RANBP2: variants seen among roughly 807,000 people sequenced by gnomAD.
RANBP2 encodes RAN binding protein 2, also known as E3 SUMO-protein ligase RanBP2.
RANBP2 carries 57 observed loss-of-function variants against 303.6 expected under a neutral mutation model. That is an observed-to-expected ratio of 0.19 (90% CI 0.15 to 0.23). The LOEUF is 0.23. RANBP2 is among the 10% of genes least tolerant of loss of function. RANBP2 has a pLI of 1.00. For synonymous variants in RANBP2, 1,167 were observed against 1,301.5 expected (o/e 0.90, Z 2.23); for missense variants, 3,138 against 3,780.8 (o/e 0.83, Z 4.46).
the RANBP2 span, among the ~76,000 whole-genome samples, chr2:109,308,199 T>G: frequency 1.5e-5 from 2 of 131,984 alleles, no homozygotes; most frequent in Non-Finnish European, 3.1e-5. Flanking sequence ...TTTCATGTGT[T>G]TTTTGGCTGC....
chr2:109,185,239 G>C, the RANBP2 span, among the ~76,000 whole-genome samples: 5 of 152,224 alleles, frequency 3.3e-5, no homozygotes, highest in Non-Finnish European at 7.3e-5. Flanking sequence ...AGAATAATTT[G>C]ACAGGGACAT....
At chr2:109,490,638 G>A in the RANBP2 span, 1 of 1,491,904 alleles carries the variant, frequency 6.7e-7, no homozygotes, top group Non-Finnish European at 8.9e-7. Context: ...GAAGCTTCTA[G>A]CCGGAGCATC....
chr2:108,983,585 C>T, the RANBP2 span, among the ~76,000 whole-genome samples: 5 of 152,214 alleles, frequency 3.3e-5, no homozygotes, highest in African/African-American at 1.2e-4. Context: ...CCTCGTGATC[C>T]ATCTGTCTGC....
the RANBP2 span, among the ~76,000 whole-genome samples, chr2:109,408,410 T>C: frequency 6.6e-6 from 1 of 152,198 alleles, no homozygotes; most frequent in Non-Finnish European, 1.5e-5. Flanking sequence ...ACCCTCCCTC[T>C]GCCAGAGCTC....
At chr2:109,083,750 C>T in the RANBP2 span, among the ~76,000 whole-genome samples, 1 of 152,136 alleles carries the variant, frequency 6.6e-6, no homozygotes, top group Non-Finnish European at 1.5e-5. Context: ...CGTGGCTGCA[C>T]CCTCTTACAT....
the RANBP2 span, among the ~76,000 whole-genome samples, chr2:109,643,219 A>C: frequency 6.6e-6 from 1 of 151,974 alleles, no homozygotes; most frequent in Non-Finnish European, 1.5e-5. Context: ...TCATCTCCCA[A>C]CTTGGCTAGA....
At chr2:109,663,602 A>C in the RANBP2 span, among the ~76,000 whole-genome samples, 7 of 152,376 alleles carry the variant, frequency 4.6e-5, no homozygotes, top group African/African-American at 1.7e-4. Flanking sequence ...GATCATATAC[A>C]GAGCTCATGG....
chr2:109,047,536 C>T, the RANBP2 span, among the ~76,000 whole-genome samples: 7 of 152,090 alleles, frequency 4.6e-5, no homozygotes, highest in Non-Finnish European at 8.8e-5. Flanking sequence ...GGACCGGGCA[C>T]GTTGGCTCAT....
the RANBP2 span, among the ~76,000 whole-genome samples, chr2:109,107,429 A>T: frequency 6.6e-6 from 1 of 152,106 alleles, no homozygotes; most frequent in Non-Finnish European, 1.5e-5. Context: ...GGGGCTTCTG[A>T]ACGGGACCAG....
the RANBP2 span, among the ~76,000 whole-genome samples, chr2:109,596,285 G>T: frequency 1.3e-5 from 2 of 152,102 alleles, no homozygotes; most frequent in African/African-American, 4.8e-5. Flanking sequence ...GTGAAATGTT[G>T]CTTAGTGTTG....
chr2:109,188,936 A>G, the RANBP2 span, among the ~76,000 whole-genome samples: 1 of 152,006 alleles, frequency 6.6e-6, no homozygotes, highest in Non-Finnish European at 1.5e-5. Context: ...GTTTAATTAA[A>G]AAAAAAACCT....
the RANBP2 span, among the ~76,000 whole-genome samples, chr2:109,272,655 T>G: frequency 0.02 from 3,043 of 152,326 alleles, 93 homozygotes; most frequent in African/African-American, 0.07. Context: ...CCAACGGTCC[T>G]CCTCCACACC....
At chr2:109,171,689 C>T in the RANBP2 span, among the ~76,000 whole-genome samples, 3 of 152,346 alleles carry the variant, frequency 2.0e-5, no homozygotes, top group African/African-American at 4.8e-5. Flanking sequence ...TTTGGGAGTT[C>T]GGTGCAGCTA....
the RANBP2 span, among the ~76,000 whole-genome samples, chr2:109,670,494 G>A: frequency 1.3e-5 from 2 of 152,048 alleles, no homozygotes; most frequent in Non-Finnish European, 2.9e-5. Context: ...GGCACTATTG[G>A]GGGCTATGAG....
At chr2:108,901,283 G>A in the RANBP2 span, among the ~76,000 whole-genome samples, 6 of 152,068 alleles carry the variant, frequency 3.9e-5, no homozygotes, top group Non-Finnish European at 8.8e-5. Context: ...AAAAATGAAT[G>A]AAAATAAAAA....
chr2:108,945,226 A>G, the RANBP2 span, among the ~76,000 whole-genome samples: 47 of 152,222 alleles, frequency 3.1e-4, no homozygotes, highest in African/African-American at 1.1e-3. Context: ...GGGGCACTGT[A>G]TATTCCAGGG....
chr2:109,207,079 G>A, the RANBP2 span, among the ~76,000 whole-genome samples: 1 of 152,190 alleles, frequency 6.6e-6, no homozygotes, highest in African/African-American at 2.4e-5. Context: ...GGCCTGGGGA[G>A]CTTAGTGCGC....
the RANBP2 span, among the ~76,000 whole-genome samples, chr2:109,349,169 G>A: frequency 3.6e-4 from 6 of 16,470 alleles, no homozygotes; most frequent in African/African-American, 0.011. Flanking sequence ...CAGAGCTCGA[G>A]GTGGCACTCT....
the RANBP2 span, chr2:109,398,675 A>G: frequency 6.2e-7 from 1 of 1,609,134 alleles, no homozygotes; most frequent in Non-Finnish European, 8.5e-7. Flanking sequence ...CTGCCCTCTG[A>G]CTCCGGCGCT....
Sources: allele counts gnomAD v4.1 joint callset (sites outside exome capture counted in the v4.1 genomes callset), GRCh38; gene constraint gnomAD v4.1.1; transcripts MANE v1.5; gene names NCBI Gene and HGNC (gene_info 2026-07-23, HGNC 2026-07-21).